TFEC: variants seen among roughly 807,000 people sequenced by gnomAD.
TFEC encodes class E basic helix-loop-helix protein 34.
In TFEC, 31 loss-of-function variants were observed where a neutral mutation model predicts 41.6. The observed-to-expected ratio is 0.74, with a 90% CI of 0.56 to 1.01. The LOEUF is 1.01. TFEC is among the 50% of genes least tolerant of loss of function. The probability of loss-of-function intolerance (pLI) is 0.00; values close to 1 mark genes in which losing one functional copy is unlikely to be tolerated. For synonymous variants in TFEC, 143 were observed against 140.6 expected, an observed-to-expected ratio of 1.02 and a Z score of -0.12; for missense variants, 402 against 404.1, an observed-to-expected ratio of 0.99 and a Z score of 0.04.
chr7:116,009,001 G>A (rs1794904599), intron 1 of TFEC, among the ~76,000 whole-genome samples: 1 of 152,138 alleles, frequency 6.6e-6, no homozygotes, highest in Non-Finnish European at 1.5e-5. Context: ...AAAGACATGA[G>A]TATTATTAAG....
At chr7:115,956,213 A>G (rs1371973071) in intron 4 of TFEC, among the ~76,000 whole-genome samples, 1 of 151,996 alleles carries the variant, frequency 6.6e-6, no homozygotes, top group African/African-American at 2.4e-5. Context: ...ATTAAATGTG[A>G]GTCTATCATG....
At chr7:115,993,608 T>C (rs1357378615) in intron 1 of TFEC, among the ~76,000 whole-genome samples, 1 of 152,148 alleles carries the variant, frequency 6.6e-6, no homozygotes, top group Non-Finnish European at 1.5e-5. Flanking sequence ...CCATTCACAA[T>C]TGCTTCAAAG....
chr7:116,071,416 A>G (rs930289078), intron 3 of TFEC, among the ~76,000 whole-genome samples: 2 of 151,204 alleles, frequency 1.3e-5, no homozygotes, highest in African/African-American at 4.8e-5. Context: ...GTAGATAGCA[A>G]TACAGAAATA....
At chr7:116,053,474 T>C (rs1249100107) in intron 3 of TFEC, among the ~76,000 whole-genome samples, 1 of 152,252 alleles carries the variant, frequency 6.6e-6, no homozygotes, top group East Asian at 1.9e-4. Context: ...ACGGTTTGAA[T>C]GTCTTTTCCA....
In TFEC at chr7:116,142,060, C is replaced by G. The variant is rs893983091; in HGVS notation, c.-69+17730G>C. On this transcript the variant is annotated intron_variant, in intron 1 of 8. Coordinates refer to the TFEC transcript ENST00000484212. ...GTGCCATTTAGGTTAAGCAAGAGAA[C>G]ACTGTGCCTTACTGTGAGTGCCAGG... 1.6e-4 allele frequency among the ~76,000 whole-genome samples: 24 copies of G among 152,156 alleles called. 1 individual carries two copies. Among genetic ancestry groups the G allele is most frequent in the Non-Finnish European group, 2.6e-4 (18 of 68,032 alleles).
At chr7:116,045,124 G>A (rs1328416491) in intron 3 of TFEC, among the ~76,000 whole-genome samples, 1 of 152,212 alleles carries the variant, frequency 6.6e-6, no homozygotes, top group Non-Finnish European at 1.5e-5. Flanking sequence ...CTCAGAAGAA[G>A]ACAGGAAAAT....
At chr7:116,154,899 A>T (rs1798836288) in intron 1 of TFEC, among the ~76,000 whole-genome samples, 2 of 152,094 alleles carry the variant, frequency 1.3e-5, no homozygotes, top group South Asian at 4.1e-4. Flanking sequence ...TCTGAAAGGG[A>T]CTGGAAACCT....
chr7:116,146,191 A>G (rs1798636933), intron 1 of TFEC, among the ~76,000 whole-genome samples: 1 of 152,182 alleles, frequency 6.6e-6, no homozygotes. Flanking sequence ...GCAGATCTAC[A>G]AAGACAAGTA....
chr7:116,038,327 G>A (rs1212059223), intron 3 of TFEC, among the ~76,000 whole-genome samples: 6 of 151,842 alleles, frequency 4.0e-5, no homozygotes, highest in Admixed American at 2.0e-4. Context: ...TTGCCAGACA[G>A]GTGCCATGAT....
intron 3 of TFEC, among the ~76,000 whole-genome samples, chr7:115,959,905 A>G (rs1792442376): frequency 6.6e-6 from 1 of 151,590 alleles, no homozygotes; most frequent in Non-Finnish European, 1.5e-5. Context: ...AGTTTCGAAA[A>G]GAGAGAAAAA....
intron 3 of TFEC, among the ~76,000 whole-genome samples, chr7:116,092,552 C>A (rs1200706631): frequency 6.6e-6 from 1 of 152,114 alleles, no homozygotes; most frequent in African/African-American, 2.4e-5. Context: ...TTTTAACACT[C>A]AATGTTTAAG....
chr7:115,946,396 C>CGTGAGTGT (rs1791551577), intron 6 of TFEC, among the ~76,000 whole-genome samples: 1 of 123,074 alleles, frequency 8.1e-6, no homozygotes, highest in Admixed American at 8.3e-5. Flanking sequence ...AGAAACATAA[C>CGTGAGTGT]GTGTGTGTGT....
At chr7:115,980,163 T>A (rs1793562624) in intron 2 of TFEC, among the ~76,000 whole-genome samples, 1 of 152,196 alleles carries the variant, frequency 6.6e-6, no homozygotes, top group East Asian at 1.9e-4. Flanking sequence ...AATGTGGCCA[T>A]GTGACACAGT....
intron 1 of TFEC, among the ~76,000 whole-genome samples, chr7:116,004,436 T>C (rs1794712065): frequency 6.6e-6 from 1 of 152,214 alleles, no homozygotes; most frequent in African/African-American, 2.4e-5. Flanking sequence ...TGACCTCTAA[T>C]GTAAACTATG....
chr7:115,951,022 T>A, intron 5 of TFEC, 73 bp from the exon 6 acceptor site: 1 of 870,654 alleles, frequency 1.1e-6, no homozygotes, highest in Non-Finnish European at 1.7e-6. Flanking sequence ...TAAACATTTT[T>A]AACAATCTTT....
At chr7:115,962,713 A>G (rs975657587) in intron 3 of TFEC, among the ~76,000 whole-genome samples, 2 of 151,864 alleles carry the variant, frequency 1.3e-5, no homozygotes, top group African/African-American at 4.8e-5. Flanking sequence ...ATACATAAAC[A>G]TAAGAAAAAA....
chr7:115,995,291 A>G (rs1794315278), intron 1 of TFEC, among the ~76,000 whole-genome samples: 1 of 152,024 alleles, frequency 6.6e-6, no homozygotes. Flanking sequence ...ACATGTATAC[A>G]TATGTAACAA....
intron 5 of TFEC, among the ~76,000 whole-genome samples, chr7:115,953,112 G>T (rs931994063): frequency 3.1e-4 from 47 of 151,762 alleles, no homozygotes; most frequent in African/African-American, 1.1e-3. Context: ...ACAGGACAGG[G>T]TGTTCACCGT....
chr7:116,087,960 A>G (rs1366203782), intron 3 of TFEC, among the ~76,000 whole-genome samples: 1 of 152,140 alleles, frequency 6.6e-6, no homozygotes, highest in Non-Finnish European at 1.5e-5. Context: ...TTCTTGCCAT[A>G]TAACAATCTT....
Sources: allele counts gnomAD v4.1 joint callset (sites outside exome capture counted in the v4.1 genomes callset), GRCh38; gene constraint gnomAD v4.1.1; transcripts MANE v1.5; gene names NCBI Gene and HGNC (gene_info 2026-07-23, HGNC 2026-07-21).